SLC23A2: variants seen among roughly 807,000 people sequenced by gnomAD.
SLC23A2 encodes Na(+)/L-ascorbic acid transporter 2.
In SLC23A2, 36 loss-of-function variants were observed where a neutral mutation model predicts 73.3. That is an observed-to-expected ratio of 0.49 (90% confidence interval 0.38 to 0.65). SLC23A2 has a LOEUF of 0.65. Among genes scored for constraint, SLC23A2 ranks in the 30% least tolerant of loss-of-function variants. SLC23A2 has a pLI of 0.00. For synonymous variants in SLC23A2, 343 were observed against 327.3 expected, an observed-to-expected ratio of 1.05 and a Z score of -0.52; for missense variants, 507 against 841.6, an observed-to-expected ratio of 0.60 and a Z score of 4.92.
At chr20:4,973,266 G>C (rs1438309863) in intron 1 of SLC23A2, among the ~76,000 whole-genome samples, 3 of 150,928 alleles carry the variant, frequency 2.0e-5, no homozygotes, top group Non-Finnish European at 1.5e-5. Context: ...TTCAACATGT[G>C]TATGCTTCTT....
At chr20:4,928,335 C>T (rs1229713559) in intron 3 of SLC23A2, among the ~76,000 whole-genome samples, 1 of 152,218 alleles carries the variant, frequency 6.6e-6, no homozygotes, top group African/African-American at 2.4e-5. Flanking sequence ...GCATCCGCAC[C>T]CAGCCTATAA....
At position 4,857,174 on chromosome 20, in the gene SLC23A2, C is replaced by T. The variant is rs1929745692; in HGVS notation, c.1751G>A (p.Trp584Ter). ...GTPEERGIRKWKKGVGKGNKS... is the reference protein window; with the variant it reads ...GTPEERGIRK ...GTTCCCTTTGCCCACACCCTTCTTCCATTTCCGGATTCCTCTTTCCTCTGG... is the reference window on the plus strand; with the variant it reads ...GTTCCCTTTGCCCACACCCTTCTTCTATTTCCGGATTCCTCTTTCCTCTGG... Residue 584 changes from tryptophan (W) to a stop codon, truncating the protein, a stop_gained, in exon 17 of 17, where the codon TGG becomes TAG. Coordinates refer to ENST00000338244, the MANE Select transcript of SLC23A2 (RefSeq NM_005116.6). LOFTEE classifies it high-confidence loss of function. This position sits in a 1 kb window ranked among gnomAD's most constrained non-coding sequence, Gnocchi z 4.0. The T allele has an allele frequency of 1.9e-6, 3 of 1,609,680 alleles. No individual in the cohort carries two copies. The highest frequency in any genetic ancestry group is 2.5e-6 in the Non-Finnish European group (3 of 1,177,034).
At chr20:4,948,816 T>G (rs75782146) in intron 2 of SLC23A2, among the ~76,000 whole-genome samples, 2,548 of 152,324 alleles carry the variant, frequency 0.017, 71 homozygotes, top group African/African-American at 0.058. Flanking sequence ...ACAGATGTCT[T>G]GCTTTTTTCT....
intron 1 of SLC23A2, among the ~76,000 whole-genome samples, chr20:5,007,461 G>A (rs957096571): frequency 2.0e-5 from 3 of 152,166 alleles, no homozygotes; most frequent in Non-Finnish European, 4.4e-5. Context: ...AACCTGGGAG[G>A]CAGAGGTTGC....
At position 4,862,689 on chromosome 20, in the gene SLC23A2, C is replaced by A; in HGVS notation, c.1486+89G>T. The A allele has an allele frequency of 8.4e-7, 1 of 1,189,766 alleles. No individual in the cohort carries two copies. The highest frequency in any genetic ancestry group is 1.2e-6 in the Non-Finnish European group (1 of 841,324). 73.7% of individuals were successfully genotyped at this position (1,189,766 alleles called of 1,614,324 possible). A position where few individuals can be genotyped will look rare whatever the true frequency, so the allele number is the denominator to read the frequency against. On this transcript the variant is annotated intron_variant, in intron 14 of 16. Transcript: ENST00000338244. The surrounding 1 kb of genome is among the most constrained non-coding windows in gnomAD (Gnocchi z 5.1). Reference sequence around the variant, plus strand: ...TTTTAAAATAGAAATTTATCGTTACCTTCTTACTGAAGGGAGTCAGCAAAA... The same window carrying A: ...TTTTAAAATAGAAATTTATCGTTACATTCTTACTGAAGGGAGTCAGCAAAA...
chr20:4,913,250 C>T (rs1036801422), intron 3 of SLC23A2, among the ~76,000 whole-genome samples: 1 of 152,166 alleles, frequency 6.6e-6, no homozygotes, highest in Admixed American at 6.5e-5. Flanking sequence ...GTGGACGAGG[C>T]CCAGGCTGAA....
chr20:4,921,539 T>C (rs1342983240), intron 3 of SLC23A2, among the ~76,000 whole-genome samples: 1 of 149,964 alleles, frequency 6.7e-6, no homozygotes, highest in African/African-American at 2.5e-5. Context: ...GAAGCTATGA[T>C]CATGTCACTG....
At chr20:5,000,392 A>G (rs1421989500) in intron 1 of SLC23A2, among the ~76,000 whole-genome samples, 1 of 152,174 alleles carries the variant, frequency 6.6e-6, no homozygotes, top group African/African-American at 2.4e-5. Flanking sequence ...CACATGGCCA[A>G]TTAGTGACAG....
At chr20:5,008,936 CT>C (rs2088220009) in intron 1 of SLC23A2, among the ~76,000 whole-genome samples, 1 of 152,070 alleles carries the variant, frequency 6.6e-6, no homozygotes, top group Non-Finnish European at 1.5e-5. Context: ...CTCAGCTCAG[CT>C]TCTCAAAAAA....
intron 4 of SLC23A2, among the ~76,000 whole-genome samples, chr20:4,907,996 G>T (rs571853386): frequency 9.4e-4 from 143 of 152,210 alleles, no homozygotes; most frequent in African/African-American, 2.9e-3. Context: ...CAGATAAGCT[G>T]CAAAACAGAG....
At chr20:4,972,427 T>C (rs2087575695) in intron 1 of SLC23A2, among the ~76,000 whole-genome samples, 1 of 151,798 alleles carries the variant, frequency 6.6e-6, no homozygotes, top group Admixed American at 6.6e-5. Context: ...TTTAAATTAT[T>C]AGAACGTGAA....
chr20:4,970,563 T>C (rs962164700), intron 2 of SLC23A2, among the ~76,000 whole-genome samples: 4 of 151,554 alleles, frequency 2.6e-5, no homozygotes, highest in Admixed American at 6.6e-5. Flanking sequence ...TGAGACCCCA[T>C]CTCTAAGAAA....
intron 6 of SLC23A2, 69 bp from the exon 7 acceptor site, chr20:4,885,978 G>T: frequency 1.0e-6 from 1 of 954,878 alleles, no homozygotes; most frequent in Non-Finnish European, 1.6e-6. Flanking sequence ...CTATTTGACA[G>T]CTTAACAGTC....
intron 6 of SLC23A2, among the ~76,000 whole-genome samples, chr20:4,887,796 G>A: frequency 6.6e-6 from 1 of 152,188 alleles, no homozygotes; most frequent in Non-Finnish European, 1.5e-5. Context: ...AACACCGCCT[G>A]ACACAAGCTG....
At chr20:4,973,298 A>C (rs2087593067) in intron 1 of SLC23A2, among the ~76,000 whole-genome samples, 1 of 152,222 alleles carries the variant, frequency 6.6e-6, no homozygotes, top group African/African-American at 2.4e-5. Context: ...TTAAAAAACT[A>C]TTAATTAAAA....
At chr20:4,977,934 T>A (rs1198185208) in intron 1 of SLC23A2, among the ~76,000 whole-genome samples, 1 of 151,992 alleles carries the variant, frequency 6.6e-6, no homozygotes. Context: ...GTACTTATCA[T>A]GAAAAAACGA....
chr20:4,951,451 G>A (rs2087200710), intron 2 of SLC23A2, among the ~76,000 whole-genome samples: 1 of 152,142 alleles, frequency 6.6e-6, no homozygotes, highest in Non-Finnish European at 1.5e-5. Context: ...ACAGAGCTGG[G>A]CAGGAAAAAG....
intron 11 of SLC23A2, among the ~76,000 whole-genome samples, chr20:4,871,749 C>T (rs1278527745): frequency 1.3e-5 from 2 of 152,130 alleles, no homozygotes; most frequent in African/African-American, 4.8e-5. Context: ...CCCTATGCCA[C>T]CAGCAAGAGG....
upstream of SLC23A2, among the ~76,000 whole-genome samples, chr20:5,003,233 A>G (rs1293254687): frequency 1.3e-5 from 2 of 151,964 alleles, no homozygotes; most frequent in African/African-American, 4.8e-5. Flanking sequence ...AATACAAAAA[A>G]ATTAGCCGGG....
Sources: allele counts gnomAD v4.1 joint callset (sites outside exome capture counted in the v4.1 genomes callset), GRCh38; gene constraint gnomAD v4.1.1; non-coding constraint Gnocchi (gnomAD v3.1); transcripts MANE v1.5; gene names NCBI Gene and HGNC (gene_info 2026-07-23, HGNC 2026-07-21).